The following TMTC2 variants were observed in gnomAD, a reference collection of about 807,000 sequenced individuals.
The protein encoded by TMTC2 is protein O-mannosyl-transferase TMTC2.
TMTC2 carries 43 observed loss-of-function variants against 82.4 expected under a neutral mutation model. The ratio of observed to expected loss-of-function variants is 0.52; its 90% CI spans 0.41 to 0.67. The LOEUF is 0.67. Among genes scored for constraint, TMTC2 ranks in the 30% least tolerant of loss-of-function variants. The pLI, the probability that TMTC2 is intolerant of heterozygous loss-of-function variation, is 0.00. For missense variants in TMTC2, 919 were observed against 1,012.4 expected (o/e 0.91, Z 1.25); for synonymous variants, 408 against 381.9 (o/e 1.07, Z -0.80).
At chr12:83,086,384 C>T (rs138033681) in intron 11 of TMTC2, among the ~76,000 whole-genome samples, 31 of 152,278 alleles carry the variant, frequency 2.0e-4, no homozygotes, top group African/African-American at 7.5e-4. Context: ...TTGTAAAGCT[C>T]TTCAGGTGAT....
intron 1 of TMTC2, among the ~76,000 whole-genome samples, chr12:82,717,214 G>A (rs1393135474): frequency 6.8e-6 from 1 of 147,952 alleles, no homozygotes; most frequent in African/African-American, 2.5e-5. Flanking sequence ...ACAGGCAAAA[G>A]GCACTTTTTT....
chr12:83,131,133 G>T (rs979367755), intron 11 of TMTC2, among the ~76,000 whole-genome samples: 1 of 152,192 alleles, frequency 6.6e-6, no homozygotes, highest in Admixed American at 6.5e-5. Context: ...TAGTTGACAC[G>T]ATCTGCAAAA....
chr12:83,000,075 G>A (rs1879847065), intron 8 of TMTC2, among the ~76,000 whole-genome samples: 1 of 152,090 alleles, frequency 6.6e-6, no homozygotes, highest in African/African-American at 2.4e-5. Context: ...ATTCCAAATG[G>A]GAGAAATTGT....
At chr12:82,851,578 T>A (rs1344332933) in intron 1 of TMTC2, among the ~76,000 whole-genome samples, 1 of 152,206 alleles carries the variant, frequency 6.6e-6, no homozygotes, top group African/African-American at 2.4e-5. Flanking sequence ...AATAACTGTG[T>A]CTGCTGTCTC....
intron 11 of TMTC2, among the ~76,000 whole-genome samples, chr12:83,093,535 A>G (rs927982562): frequency 6.6e-6 from 1 of 152,222 alleles, no homozygotes; most frequent in Non-Finnish European, 1.5e-5. Flanking sequence ...CTGTGTGTTA[A>G]GTAAGTTGTC....
Position 82,930,616 on chromosome 12 carries a change from T to G in TMTC2, c.1598+71T>G, listed in dbSNP as rs142121854. On this transcript the variant is annotated intron_variant, in intron 4 of 11. Transcript: ENST00000321196. The stretch of plus-strand genomic sequence containing the variant: ...CAGTGAGAGGGACTATTGATTTAAC[T>G]GCTGGAAATGGAGATGATGATAGCT... The G allele has an allele frequency of 3.5e-4, 312 of 896,368 alleles. No individual in the cohort carries two copies. The African/African-American group carries it at 4.7e-3, about 13-fold the overall frequency. The allele number at this position is 896,368 out of a possible 1,614,324, so 55.5% of individuals were successfully genotyped here.
At chr12:82,943,201 G>A (rs1234728142) in intron 4 of TMTC2, among the ~76,000 whole-genome samples, 1 of 152,200 alleles carries the variant, frequency 6.6e-6, no homozygotes, top group Non-Finnish European at 1.5e-5. Flanking sequence ...GGAATCACAA[G>A]TTTGTTTGAC....
chr12:82,760,766 A>G, intron 1 of TMTC2: 1 of 261,284 alleles, frequency 3.8e-6, no homozygotes, highest in South Asian at 3.4e-5. Flanking sequence ...AGATTCTCAT[A>G]GGGTGCAAAC....
chr12:82,970,579 C>G (rs1739845800), intron 7 of TMTC2, among the ~76,000 whole-genome samples: 1 of 151,412 alleles, frequency 6.6e-6, no homozygotes, highest in Non-Finnish European at 1.5e-5. Flanking sequence ...ATGATCCACC[C>G]GCCTCGGCCT....
chr12:83,042,987 G>A (rs140578858), intron 9 of TMTC2, among the ~76,000 whole-genome samples: 9 of 152,256 alleles, frequency 5.9e-5, no homozygotes, highest in African/African-American at 2.2e-4. Context: ...GCCGGTAACT[G>A]TGGCACATTT....
chr12:82,908,393 A>C (rs2137204169), intron 3 of TMTC2, among the ~76,000 whole-genome samples: 1 of 32,300 alleles, frequency 3.1e-5, no homozygotes, highest in Non-Finnish European at 9.4e-5. Flanking sequence ...TTATCAGTAG[A>C]GTTTTCCTCA....
intron 1 of TMTC2, among the ~76,000 whole-genome samples, chr12:82,794,545 G>A (rs948819514): frequency 3.9e-5 from 6 of 151,920 alleles, no homozygotes; most frequent in Non-Finnish European, 5.9e-5. Flanking sequence ...CAGCATCTAT[G>A]GTTCTATTTT....
intron 1 of TMTC2, among the ~76,000 whole-genome samples, chr12:82,732,662 G>C (rs1307148011): frequency 5.3e-5 from 8 of 152,166 alleles, no homozygotes; most frequent in Admixed American, 4.6e-4. Context: ...CATCTTTAAG[G>C]CTAAGGGAAT....
At chr12:83,100,191 A>G (rs898202017) in intron 11 of TMTC2, among the ~76,000 whole-genome samples, 36 of 152,076 alleles carry the variant, frequency 2.4e-4, no homozygotes, top group African/African-American at 8.2e-4. Flanking sequence ...AAGTGCTGGG[A>G]TTATAGGTGT....
chr12:83,035,886 A>G (rs1214465980), intron 9 of TMTC2, among the ~76,000 whole-genome samples: 1 of 152,210 alleles, frequency 6.6e-6, no homozygotes, highest in Non-Finnish European at 1.5e-5. Context: ...AATTGAAACA[A>G]TTTAAATCAA....
chr12:82,730,744 G>T (rs1372838407), intron 1 of TMTC2, among the ~76,000 whole-genome samples: 1 of 152,162 alleles, frequency 6.6e-6, no homozygotes, highest in Non-Finnish European at 1.5e-5. Context: ...AGAAAGTTGT[G>T]GCCGTACATC....
chr12:82,814,162 C>G (rs142106497), intron 1 of TMTC2, among the ~76,000 whole-genome samples: 1 of 152,066 alleles, frequency 6.6e-6, no homozygotes, highest in Non-Finnish European at 1.5e-5. Flanking sequence ...AGTTAATCGG[C>G]CTGCAAAGTA....
At chr12:82,885,889 A>C (rs772633133) in intron 2 of TMTC2, among the ~76,000 whole-genome samples, 1 of 152,188 alleles carries the variant, frequency 6.6e-6, no homozygotes, top group East Asian at 1.9e-4. Flanking sequence ...GGAAGTCACT[A>C]TGCACAGACC....
intron 1 of TMTC2, among the ~76,000 whole-genome samples, chr12:82,735,336 T>C (rs1357215064): frequency 7.9e-6 from 1 of 127,052 alleles, no homozygotes; most frequent in Non-Finnish European, 1.6e-5. Flanking sequence ...AACAGTTTTA[T>C]ACATTAATTT....
Sources: allele counts gnomAD v4.1 joint callset (sites outside exome capture counted in the v4.1 genomes callset), GRCh38; gene constraint gnomAD v4.1.1; transcripts MANE v1.5; gene names NCBI Gene and HGNC (gene_info 2026-07-23, HGNC 2026-07-21).